The following CBR4 variants were observed in gnomAD, a reference collection of about 807,000 sequenced individuals.
CBR4 encodes 3-oxoacyl-[acyl-carrier-protein] reductase.
A neutral mutation model predicts 21.0 loss-of-function variants in CBR4; 22 were observed. That is an observed-to-expected ratio of 1.05 (90% CI 0.75 to 1.50). CBR4 has a LOEUF of 1.50. Among genes scored for constraint, CBR4 ranks in the 40% most tolerant of loss-of-function variants. The pLI is 0.00. For missense variants in CBR4, 302 were observed against 286.3 expected, an observed-to-expected ratio of 1.05 and a Z score of -0.40; for synonymous variants, 100 against 104.4, an observed-to-expected ratio of 0.96 and a Z score of 0.26.
chr4:168,901,934 C>G (rs1331717598), intron 2 of CBR4, among the ~76,000 whole-genome samples: 1 of 152,148 alleles, frequency 6.6e-6, no homozygotes, highest in African/African-American at 2.4e-5. Context: ...TTTTACAACT[C>G]AAAGTTATTA....
intron 2 of CBR4, among the ~76,000 whole-genome samples, chr4:168,935,271 T>C (rs930244434): frequency 5.3e-5 from 8 of 152,198 alleles, no homozygotes; most frequent in South Asian, 2.1e-4. Flanking sequence ...CCCACGGTTT[T>C]TGCAACCATA....
At chr4:168,928,439 A>C (rs928363629) in intron 2 of CBR4, 1 of 178,570 alleles carries the variant, frequency 5.6e-6, no homozygotes, top group Non-Finnish European at 1.2e-5. Context: ...TTGTGAAGCA[A>C]AATAAATATT....
rs111649137 is a variant in CBR4 at position 168,989,438 on chromosome 4, G to C, written c.*712C>G. 2.3e-4 allele frequency: 222 copies of C among 985,350 alleles called. 2 individuals carry two copies. In the African/African-American group the frequency reaches 3.5e-3, roughly 16 times the overall value. 61.0% of individuals were successfully genotyped at this position (985,350 alleles called of 1,614,324 possible). On this transcript the variant is annotated 3_prime_UTR_variant, in exon 5 of 5. Coordinates refer to ENST00000306193, the MANE Select transcript of CBR4 (RefSeq NM_032783.5). ...TTATTTTGTCTAGCTGCTCAATCAA[G>C]AGAAATACCACTCAAAGAAATCAAT... is the stretch of plus-strand genomic sequence containing the variant.
chr4:168,953,429 T>A (rs183867045), intron 2 of CBR4, among the ~76,000 whole-genome samples: 97 of 152,234 alleles, frequency 6.4e-4, no homozygotes, highest in African/African-American at 2.3e-3. Context: ...CTGCATTTTT[T>A]TTTTTGGTTT....
chr4:168,979,284 ACTACTGCAGCCCCTGACC>A (rs1194356250), intron 2 of CBR4, among the ~76,000 whole-genome samples: 46 of 151,658 alleles, frequency 3.0e-4, no homozygotes, highest in Admixed American at 3.0e-3. Context: ...ATTTTTTGCC[ACTACTGCAGCCCCTGACC>A]CTACTGCCCT....
intron 2 of CBR4, chr4:168,924,817 A>G (rs576524130): frequency 1.6e-5 from 14 of 902,840 alleles, no homozygotes; most frequent in Admixed American, 5.8e-5. Context: ...TCTCTACAGA[A>G]TAAGTATGAC....
At chr4:168,944,505 AAAG>A (rs373262365) in intron 2 of CBR4, among the ~76,000 whole-genome samples, 10 of 151,970 alleles carry the variant, frequency 6.6e-5, no homozygotes, top group African/African-American at 2.2e-4. Context: ...AATTTAAAAA[AAAG>A]AGAGAAAAGA....
intron 4 of CBR4, among the ~76,000 whole-genome samples, chr4:168,991,896 TAC>T (rs1380882527): frequency 1.3e-5 from 2 of 152,192 alleles, no homozygotes; most frequent in Non-Finnish European, 2.9e-5. Flanking sequence ...ATCTCAAAAA[TAC>T]AGTTTTCAAA....
intron 2 of CBR4, among the ~76,000 whole-genome samples, chr4:168,974,211 G>T (rs1257498762): frequency 6.6e-6 from 1 of 152,046 alleles, no homozygotes; most frequent in Non-Finnish European, 1.5e-5. Context: ...AAAATTCTTG[G>T]CTGAAGAGAG....
intron 2 of CBR4, among the ~76,000 whole-genome samples, chr4:168,974,124 C>T (rs547651379): frequency 3.9e-5 from 6 of 152,152 alleles, no homozygotes; most frequent in African/African-American, 1.4e-4. Flanking sequence ...TTGGTAGTGG[C>T]GAATTCGCTC....
rs375970126 is a variant in CBR4 at position 168,915,938 on chromosome 4, A to G, written n.170-21173T>C. 8 of 1,613,206 alleles carry G rather than the reference A, an allele frequency of 5.0e-6. No individual in the cohort carries two copies. The Middle Eastern group carries it at 4.9e-4, about 99-fold the overall frequency. The stretch of plus-strand genomic sequence containing the variant: ...GGACAGTGGAGACGAAAATGAACCA[A>G]TTCAGGAGCGATTCTTCAGACCTCA... On this transcript the variant is annotated intron_variant and non_coding_transcript_variant, in intron 2 of 3. Coordinates refer to the CBR4 transcript ENST00000509108.
At chr4:168,998,369 C>T (rs1765304062) in intron 4 of CBR4, among the ~76,000 whole-genome samples, 1 of 152,056 alleles carries the variant, frequency 6.6e-6, no homozygotes, top group Admixed American at 6.6e-5. Context: ...ATTAGGTATA[C>T]CTTTAAAACA....
At chr4:168,935,563 C>T (rs1273423417) in intron 2 of CBR4, among the ~76,000 whole-genome samples, 1 of 152,132 alleles carries the variant, frequency 6.6e-6, no homozygotes, top group African/African-American at 2.4e-5. Context: ...TGGGACACCC[C>T]AGCTTGGTGA....
At chr4:168,951,357 G>C (rs1004432597) in intron 2 of CBR4, among the ~76,000 whole-genome samples, 1 of 152,182 alleles carries the variant, frequency 6.6e-6, no homozygotes, top group Non-Finnish European at 1.5e-5. Context: ...CACCTGGCCA[G>C]TTCTGTATCT....
intron 3 of CBR4, 111 bp downstream of exon 3, chr4:169,006,644 G>T: frequency 9.9e-7 from 1 of 1,009,654 alleles, no homozygotes; most frequent in Non-Finnish European, 1.5e-6. Context: ...TTTTTCCACA[G>T]ATAATATAAA....
At chr4:168,949,095 A>G (rs1424780247) in intron 2 of CBR4, among the ~76,000 whole-genome samples, 1 of 152,014 alleles carries the variant, frequency 6.6e-6, no homozygotes, top group Non-Finnish European at 1.5e-5. Context: ...TTGGTTAGGT[A>G]TACTCCAGAG....
downstream of CBR4, among the ~76,000 whole-genome samples, chr4:168,983,381 C>T (rs888212263): frequency 1.3e-5 from 2 of 151,874 alleles, no homozygotes; most frequent in African/African-American, 4.8e-5. Flanking sequence ...ATTGACACCC[C>T]GAACAGACAA....
At chr4:169,005,590 A>G (rs1730844698) in intron 3 of CBR4, among the ~76,000 whole-genome samples, 1 of 152,224 alleles carries the variant, frequency 6.6e-6, no homozygotes, top group Non-Finnish European at 1.5e-5. Flanking sequence ...AAGATTTTAG[A>G]GTTAAACAAA....
chr4:168,910,617 C>T (rs575030187), intron 2 of CBR4, among the ~76,000 whole-genome samples: 17 of 152,172 alleles, frequency 1.1e-4, no homozygotes, highest in East Asian at 1.9e-4. Context: ...CAATGCTGCC[C>T]GGTGCTTTAC....
Sources: gnomAD v4.1 joint callset for allele counts (sites outside exome capture counted in the v4.1 genomes callset) on GRCh38, gnomAD v4.1.1 for gene constraint, MANE v1.5 for transcripts, NCBI Gene and HGNC (gene_info 2026-07-23, HGNC 2026-07-21) for gene names.